CLIC5: variants seen among roughly 807,000 people sequenced by gnomAD.
CLIC5 encodes CLIC family member 5.
CLIC5 carries 20 observed loss-of-function variants against 24.7 expected under a neutral mutation model. The ratio of observed to expected loss-of-function variants is 0.81; its 90% CI spans 0.57 to 1.18. CLIC5 has a LOEUF of 1.18. CLIC5 is among the 50% of genes most tolerant of loss of function. CLIC5 has a pLI of 0.00. For synonymous variants in CLIC5, 159 were observed against 135.6 expected (o/e 1.17, Z -1.20); for missense variants, 341 against 326.1 (o/e 1.05, Z -0.35).
intron 5 of CLIC5, among the ~76,000 whole-genome samples, chr6:45,908,710 G>C (rs1483508133): frequency 1.3e-5 from 2 of 152,184 alleles, no homozygotes; most frequent in Non-Finnish European, 2.9e-5. Context: ...TGATCTTGGA[G>C]TATGTTCTGT....
intron 1 of CLIC5, among the ~76,000 whole-genome samples, chr6:46,072,076 G>T (rs901020206): frequency 1.3e-5 from 2 of 152,054 alleles, no homozygotes; most frequent in African/African-American, 4.8e-5. Flanking sequence ...ACACACTGGG[G>T]CCTATCGGAG....
the CLIC5 span, among the ~76,000 whole-genome samples, chr6:46,109,436 T>C: frequency 6.9e-6 from 1 of 145,340 alleles, no homozygotes; most frequent in African/African-American, 2.6e-5. Context: ...TCCCAGCACT[T>C]TGGGAGGCCG....
intron 4 of CLIC5, among the ~76,000 whole-genome samples, chr6:45,917,688 C>T (rs1013194369): frequency 3.9e-5 from 6 of 152,164 alleles, no homozygotes; most frequent in East Asian, 1.9e-4. Flanking sequence ...ACCCACTATA[C>T]GCTCTGCCAA....
intron 1 of CLIC5, among the ~76,000 whole-genome samples, chr6:46,051,874 GA>G (rs1768111907): frequency 6.6e-6 from 1 of 152,134 alleles, no homozygotes; most frequent in South Asian, 2.1e-4. Context: ...ATGTTAGTCT[GA>G]ATTCAGCCTG....
upstream of CLIC5, chr6:46,015,974 C>G: frequency 1.1e-6 from 1 of 901,762 alleles, no homozygotes; most frequent in Middle Eastern, 5.6e-4. Context: ...GGCCACGGCC[C>G]CCCGCCCCAA....
At chr6:45,992,716 C>T (rs1339081265) in intron 1 of CLIC5, among the ~76,000 whole-genome samples, 1 of 152,174 alleles carries the variant, frequency 6.6e-6, no homozygotes, top group Non-Finnish European at 1.5e-5. Flanking sequence ...CTCAAGGACG[C>T]TTTGTAAACA....
chr6:46,114,263 C>T, the CLIC5 span, among the ~76,000 whole-genome samples: 1 of 152,132 alleles, frequency 6.6e-6, no homozygotes, highest in African/African-American at 2.4e-5. Context: ...GCCTTTCCCC[C>T]ACCTAGTTCC....
rs555829584 is a variant in CLIC5, at chr6:45,972,781, C to T, written c.64-17537G>A. Among the ~76,000 whole-genome samples the T allele has an allele frequency of 1.8e-4, 28 of 152,322 alleles. No individual in the cohort carries two copies. In the East Asian group the frequency reaches 5.0e-3, roughly 27 times the overall value. ...GCCTCATACAGCAACAATCGGAAGACCTTTAAAACCGATGCATTGGGTCAG... is the reference window on the plus strand; with the variant it reads ...GCCTCATACAGCAACAATCGGAAGATCTTTAAAACCGATGCATTGGGTCAG... On this transcript the variant is annotated intron_variant, in intron 1 of 5. Coordinates refer to ENST00000339561, the MANE Select transcript of CLIC5 (RefSeq NM_016929.5).
chr6:46,072,063 AAC>A (rs1405657448), intron 1 of CLIC5, among the ~76,000 whole-genome samples: 1 of 152,036 alleles, frequency 6.6e-6, no homozygotes, highest in African/African-American at 2.4e-5. Context: ...AGAGGGGAAC[AAC>A]ACACACTGGG....
At chr6:46,077,505 T>G (rs1762804941) in intron 1 of CLIC5, among the ~76,000 whole-genome samples, 1 of 151,800 alleles carries the variant, frequency 6.6e-6, no homozygotes, top group Non-Finnish European at 1.5e-5. Context: ...GAGGTCACAC[T>G]CACACCCTAC....
the CLIC5 span, among the ~76,000 whole-genome samples, chr6:46,109,513 TAAAAAAAAAAAAAAAAA>T: frequency 0.01 from 484 of 47,204 alleles, 8 homozygotes; most frequent in African/African-American, 0.046. Context: ...CAGTCTCCAC[TAAAAAAAAAAAAAAAAA>T]AAAAAAAAAA....
intron 1 of CLIC5, among the ~76,000 whole-genome samples, chr6:46,078,296 G>C (rs530862510): frequency 5.9e-5 from 9 of 152,154 alleles, no homozygotes; most frequent in African/African-American, 2.2e-4. Context: ...GGAGGTGAAA[G>C]TTGCAGTGAG....
chr6:45,968,769 T>A (rs1374897596), intron 1 of CLIC5, among the ~76,000 whole-genome samples: 1 of 152,224 alleles, frequency 6.6e-6, no homozygotes, highest in Non-Finnish European at 1.5e-5. Flanking sequence ...CATCTTCCTA[T>A]ACTTGTGCAG....
At chr6:46,008,054 T>C (rs1766654115) in intron 1 of CLIC5, among the ~76,000 whole-genome samples, 1 of 152,098 alleles carries the variant, frequency 6.6e-6, no homozygotes. Context: ...ATTTTCCCAC[T>C]AAAGCACGAA....
At chr6:46,075,503 T>C (rs148140143) in intron 1 of CLIC5, among the ~76,000 whole-genome samples, 1 of 152,258 alleles carries the variant, frequency 6.6e-6, no homozygotes, top group African/African-American at 2.4e-5. Flanking sequence ...GAGAATGGCT[T>C]GAGCCCAGGA....
At chr6:46,063,693 C>A (rs1762358357) in intron 1 of CLIC5, among the ~76,000 whole-genome samples, 1 of 152,170 alleles carries the variant, frequency 6.6e-6, no homozygotes, top group Admixed American at 6.5e-5. Flanking sequence ...ATCCCAGGAT[C>A]TTACACAGGG....
chr6:46,059,704 G>A (rs1301162406), intron 1 of CLIC5, among the ~76,000 whole-genome samples: 2 of 152,196 alleles, frequency 1.3e-5, no homozygotes, highest in Non-Finnish European at 1.5e-5. Context: ...ACACTGCCTA[G>A]GTTTGCCCGG....
chr6:46,090,157 G>A, the CLIC5 span, among the ~76,000 whole-genome samples: 26 of 152,172 alleles, frequency 1.7e-4, no homozygotes, highest in Admixed American at 9.8e-4. Context: ...GTCTATAATT[G>A]AAGCTGATGG....
intron 1 of CLIC5, among the ~76,000 whole-genome samples, chr6:46,041,438 A>G (rs1239120363): frequency 6.6e-6 from 1 of 152,118 alleles, no homozygotes; most frequent in African/African-American, 2.4e-5. Flanking sequence ...TAACTAACTA[A>G]TATTGAGACA....
Sources: gnomAD v4.1 joint callset for allele counts (sites outside exome capture counted in the v4.1 genomes callset) on GRCh38, gnomAD v4.1.1 for gene constraint, MANE v1.5 for transcripts, NCBI Gene and HGNC (gene_info 2026-07-23, HGNC 2026-07-21) for gene names.